Variants in SRRM4 observed in about 807,000 individuals in gnomAD.
The protein encoded by SRRM4 is serine/arginine repetitive matrix protein 4.
Under a neutral mutation model 68.9 loss-of-function variants are expected in SRRM4, and 33 were observed. The ratio of observed to expected loss-of-function variants is 0.48; its 90% CI spans 0.36 to 0.64. SRRM4 has a LOEUF of 0.64. Ranked by LOEUF, SRRM4 falls within the 30% of genes least tolerant of loss-of-function variation. The probability of loss-of-function intolerance (pLI) is 0.00; values close to 1 mark genes in which losing one functional copy is unlikely to be tolerated. For synonymous variants in SRRM4, 318 were observed against 318.8 expected, an observed-to-expected ratio of 1.00 and a Z score of 0.03; for missense variants, 817 against 827.1, an observed-to-expected ratio of 0.99 and a Z score of 0.15.
Position 119,161,151 on chromosome 12 carries a change from T to C in SRRM4, c.*4353T>C, listed in dbSNP as rs1954510742. ...CTTCTCCAGTCCAACTTTCATCTTT[T>C]CTTCTGCTGTTTTCTTTTCCCCTCT... On this transcript the variant is annotated 3_prime_UTR_variant, in exon 13 of 13. Coordinates refer to ENST00000267260, the MANE Select transcript of SRRM4 (RefSeq NM_194286.4). The C allele has an allele frequency of 6.6e-6, 1 of 152,242 alleles. No individual in the cohort carries two copies. The highest frequency in any genetic ancestry group is 2.4e-5 in the African/African-American group (1 of 41,464). 9.4% of individuals were successfully genotyped at this position (152,242 alleles called of 1,614,324 possible).
chr12:119,123,269 T>C (rs1349647399), intron 6 of SRRM4, among the ~76,000 whole-genome samples: 1 of 152,164 alleles, frequency 6.6e-6, no homozygotes, highest in African/African-American at 2.4e-5. Flanking sequence ...TGGGGAATGC[T>C]CCAGAAGAAA....
At chr12:119,127,487 G>A (rs11609648) in intron 7 of SRRM4, among the ~76,000 whole-genome samples, 1 of 152,032 alleles carries the variant, frequency 6.6e-6, no homozygotes, top group Non-Finnish European at 1.5e-5. Context: ...TAGCACTTTG[G>A]GGGGCCGAGG....
chr12:119,059,784 C>T (rs970091773), intron 1 of SRRM4, among the ~76,000 whole-genome samples: 7 of 152,128 alleles, frequency 4.6e-5, no homozygotes, highest in African/African-American at 1.7e-4. Flanking sequence ...ATCTTTCTAC[C>T]AAGAAATTTT....
chr12:119,117,198 CT>C (rs1379677182), intron 4 of SRRM4, among the ~76,000 whole-genome samples, 190 bp downstream of exon 4: 1 of 152,162 alleles, frequency 6.6e-6, no homozygotes, highest in Non-Finnish European at 1.5e-5. Flanking sequence ...CACATGCTAA[CT>C]GAGGCCAGAG....
chr12:119,114,966 A>G (rs1418306042), intron 3 of SRRM4, among the ~76,000 whole-genome samples: 4 of 151,848 alleles, frequency 2.6e-5, no homozygotes. Flanking sequence ...GCCTGGCCGG[A>G]AGCATAGTCT....
intron 1 of SRRM4, among the ~76,000 whole-genome samples, chr12:119,099,462 T>C (rs1954065632): frequency 6.6e-6 from 1 of 152,230 alleles, no homozygotes; most frequent in African/African-American, 2.4e-5. Context: ...TTAACAATTT[T>C]TGAACTTGCT....
chr12:119,062,332 T>C (rs760450856), intron 1 of SRRM4, among the ~76,000 whole-genome samples: 1 of 152,238 alleles, frequency 6.6e-6, no homozygotes, highest in Non-Finnish European at 1.5e-5. Flanking sequence ...TACTGTACAC[T>C]ACTGTAGACT....
Position 119,046,875 on chromosome 12 carries a change from C to T in SRRM4, c.132-55361C>T, listed in dbSNP as rs550482473. Among the ~76,000 whole-genome samples the T allele has an allele frequency of 4.0e-5, 6 of 151,886 alleles. No homozygotes were observed. In the East Asian group the frequency reaches 5.8e-4, roughly 15 times the overall value. The stretch of plus-strand genomic sequence containing the variant: ...TGAAACCCCGTCTCTACTAAAAATA[C>T]AAAAAAATTAGCCAAGCATCGTGGC... On this transcript the variant is annotated intron_variant, in intron 1 of 12. Transcript: ENST00000267260.
chr12:119,110,845 A>G (rs1041454235), intron 2 of SRRM4, among the ~76,000 whole-genome samples: 1 of 152,126 alleles, frequency 6.6e-6, no homozygotes, highest in African/African-American at 2.4e-5. Flanking sequence ...ACAAGCCCCC[A>G]TGAGATGAAC....
chr12:119,153,064 T>C (rs954415896), intron 10 of SRRM4, among the ~76,000 whole-genome samples: 2 of 152,182 alleles, frequency 1.3e-5, no homozygotes, highest in Admixed American at 6.5e-5. Context: ...CTAAGATGTG[T>C]TGAGGATTAA....
intron 1 of SRRM4, among the ~76,000 whole-genome samples, chr12:119,077,283 G>A (rs551098209): frequency 3.0e-4 from 45 of 152,266 alleles, no homozygotes; most frequent in African/African-American, 1.0e-3. Context: ...GGGGTCTGAT[G>A]TGGGCCCAGA....
intron 1 of SRRM4, among the ~76,000 whole-genome samples, chr12:119,033,679 A>G (rs918804622): frequency 6.7e-6 from 1 of 149,968 alleles, no homozygotes; most frequent in Non-Finnish European, 1.5e-5. Context: ...AAAAAAAAAT[A>G]CTTTTCTCAC....
intron 5 of SRRM4, among the ~76,000 whole-genome samples, chr12:119,120,484 T>C (rs1177619028): frequency 1.3e-5 from 2 of 151,780 alleles, no homozygotes; most frequent in Non-Finnish European, 2.9e-5. Flanking sequence ...GGCCAGGGGG[T>C]TGATCTTGGA....
chr12:119,108,268 G>A (rs1954119578), intron 2 of SRRM4, among the ~76,000 whole-genome samples: 1 of 152,210 alleles, frequency 6.6e-6, no homozygotes, highest in African/African-American at 2.4e-5. Flanking sequence ...GTGCGATGTG[G>A]TGCTGAGAAG....
chr12:119,065,794 T>A (rs1006249464), intron 1 of SRRM4, among the ~76,000 whole-genome samples: 2 of 152,080 alleles, frequency 1.3e-5, no homozygotes, highest in Non-Finnish European at 2.9e-5. Flanking sequence ...AGTGGTTGAA[T>A]GGATGCATGG....
chr12:119,038,011 A>G (rs1481985537), intron 1 of SRRM4, among the ~76,000 whole-genome samples: 2 of 152,116 alleles, frequency 1.3e-5, no homozygotes, highest in Admixed American at 6.5e-5. Context: ...TATTATATCT[A>G]TTTATTTGGT....
chr12:119,094,701 G>T (rs191845370), intron 1 of SRRM4, among the ~76,000 whole-genome samples: 66 of 152,328 alleles, frequency 4.3e-4, no homozygotes, highest in Non-Finnish European at 6.5e-4. Context: ...CCCCAGGAGG[G>T]GTTAGGTGCC....
intron 1 of SRRM4, among the ~76,000 whole-genome samples, chr12:118,990,431 G>T (rs900617813): frequency 5.9e-5 from 9 of 152,134 alleles, no homozygotes; most frequent in African/African-American, 2.2e-4. Context: ...ATTTGGTTCG[G>T]CTTTGTCTCT....
rs759483005 is a variant in SRRM4, at chr12:119,075,959, ATGGTGG to A, written c.132-26268_132-26263del. Among the ~76,000 whole-genome samples, 77 of 149,678 alleles carry A rather than the reference ATGGTGG, an allele frequency of 5.1e-4. 2 individuals carry two copies. Among genetic ancestry groups the A allele is most frequent in the Admixed American group, 1.0e-3 (15 of 15,028 alleles). On this transcript the variant is annotated intron_variant, in intron 1 of 12. Transcript: ENST00000267260. ...GGTGATGATGATGGTGGTAATGATGATGGTGGTGGTGGTGATGGTGATGATGGTGCT... is the reference window on the plus strand; with the variant it reads ...GGTGATGATGATGGTGGTAATGATGATGGTGGTGATGGTGATGATGGTGCT...
Sources: allele counts gnomAD v4.1 joint callset (sites outside exome capture counted in the v4.1 genomes callset), GRCh38; gene constraint gnomAD v4.1.1; transcripts MANE v1.5; gene names NCBI Gene and HGNC (gene_info 2026-07-23, HGNC 2026-07-21).